Variants in SPAG16 observed in about 807,000 individuals in gnomAD.
SPAG16 encodes the protein sperm associated antigen 16.
In SPAG16, 86 loss-of-function variants were observed where a neutral mutation model predicts 80.4. The observed-to-expected ratio is 1.07, with a 90% CI of 0.90 to 1.28. SPAG16 has a LOEUF of 1.28. Among genes scored for constraint, SPAG16 ranks in the 50% most tolerant of loss-of-function variants. The pLI, the probability that SPAG16 is intolerant of heterozygous loss-of-function variation, is 0.00. For synonymous variants in SPAG16, 294 were observed against 265.9 expected (o/e 1.11, Z -1.03); for missense variants, 870 against 765.3 (o/e 1.14, Z -1.61).
intron 15 of SPAG16, among the ~76,000 whole-genome samples, chr2:214,283,461 C>G (rs1014927025): frequency 1.8e-4 from 28 of 152,088 alleles, no homozygotes; most frequent in Non-Finnish European, 3.1e-4. Context: ...CATTACATAT[C>G]TTAACTTCTT....
intron 10 of SPAG16, among the ~76,000 whole-genome samples, chr2:213,789,494 A>G (rs766082985): frequency 1.3e-5 from 2 of 151,996 alleles, no homozygotes; most frequent in African/African-American, 4.8e-5. Context: ...CTTTCCTGAA[A>G]AATACACACA....
chr2:213,869,165 A>G (rs10199633), intron 11 of SPAG16, among the ~76,000 whole-genome samples: 87,733 of 148,318 alleles, frequency 0.59, 27,832 homozygotes, highest in South Asian at 0.85. Context: ...AGACAGGAGA[A>G]TCACTTGAAC....
chr2:214,101,148 AT>A (rs71037341), intron 13 of SPAG16, among the ~76,000 whole-genome samples: 47,852 of 151,292 alleles, frequency 0.32, 7,992 homozygotes, highest in African/African-American at 0.35. Flanking sequence ...GTATTACTTA[AT>A]TTTTTTTTCA....
At chr2:214,256,606 G>T (rs1051475466) in intron 15 of SPAG16, among the ~76,000 whole-genome samples, 2 of 151,790 alleles carry the variant, frequency 1.3e-5, no homozygotes, top group African/African-American at 2.4e-5. Context: ...ATTGTTACCT[G>T]ATGATTTCAG....
intron 10 of SPAG16, among the ~76,000 whole-genome samples, chr2:213,559,828 A>T (rs1453850201): frequency 1.3e-5 from 2 of 152,128 alleles, no homozygotes; most frequent in African/African-American, 2.4e-5. Flanking sequence ...CAACAAAGGT[A>T]CACTTAATAA....
chr2:213,343,049 A>G (rs545911038), intron 6 of SPAG16, among the ~76,000 whole-genome samples: 5 of 152,162 alleles, frequency 3.3e-5, no homozygotes, highest in Middle Eastern at 3.4e-3. Flanking sequence ...TAGCTTAAGA[A>G]ATATCTGTAA....
intron 13 of SPAG16, among the ~76,000 whole-genome samples, chr2:214,032,923 T>A (rs2048490982): frequency 6.6e-6 from 1 of 152,196 alleles, no homozygotes; most frequent in Non-Finnish European, 1.5e-5. Flanking sequence ...ATGCTTTTTT[T>A]ATGTTATACA....
At chr2:213,455,819 T>A (rs1056890641) in intron 9 of SPAG16, among the ~76,000 whole-genome samples, 2 of 152,202 alleles carry the variant, frequency 1.3e-5, no homozygotes, top group Admixed American at 6.5e-5. Flanking sequence ...GGTTCCAGTC[T>A]GCCACTGGAG....
At chr2:213,335,479 C>T (rs1038098651) in intron 5 of SPAG16, among the ~76,000 whole-genome samples, 3 of 151,960 alleles carry the variant, frequency 2.0e-5, no homozygotes, top group Admixed American at 2.0e-4. Context: ...ACATCTTGAC[C>T]AGAAGCAATA....
chr2:214,330,146 G>A (rs1274722356), intron 15 of SPAG16, among the ~76,000 whole-genome samples: 8 of 151,352 alleles, frequency 5.3e-5, no homozygotes, highest in African/African-American at 1.7e-4. Flanking sequence ...GTTTGGTGGC[G>A]GGTGCCTGTA....
intron 10 of SPAG16, among the ~76,000 whole-genome samples, chr2:213,763,922 G>A (rs990249569): frequency 6.6e-6 from 1 of 152,186 alleles, no homozygotes; most frequent in Non-Finnish European, 1.5e-5. Context: ...AAGGACTAAT[G>A]AGCGAGGTTT....
At chr2:214,183,820 C>T (rs2057382606) in intron 15 of SPAG16, among the ~76,000 whole-genome samples, 1 of 151,992 alleles carries the variant, frequency 6.6e-6, no homozygotes, top group East Asian at 1.9e-4. Flanking sequence ...AAAGGCTTCA[C>T]CGAAGCCTCC....
At chr2:213,306,159 A>C (rs891670811) in intron 3 of SPAG16, among the ~76,000 whole-genome samples, 1 of 151,508 alleles carries the variant, frequency 6.6e-6, no homozygotes, top group Non-Finnish European at 1.5e-5. Flanking sequence ...TGATCCTTTA[A>C]AATTTCTTTG....
intron 10 of SPAG16, among the ~76,000 whole-genome samples, chr2:213,536,462 C>T (rs942055213): frequency 1.3e-5 from 2 of 152,144 alleles, no homozygotes; most frequent in African/African-American, 4.8e-5. Flanking sequence ...AAAAGTGTTC[C>T]TATTTCTCCA....
chr2:214,122,695 C>T (rs928061970), intron 14 of SPAG16, among the ~76,000 whole-genome samples: 4 of 151,704 alleles, frequency 2.6e-5, no homozygotes, highest in Admixed American at 2.6e-4. Flanking sequence ...TCCAGCAATC[C>T]ACCTTGATGT....
intron 13 of SPAG16, among the ~76,000 whole-genome samples, chr2:214,017,835 T>C (rs2047666418): frequency 6.6e-6 from 1 of 152,208 alleles, no homozygotes; most frequent in Admixed American, 6.5e-5. Context: ...AATTAAAATG[T>C]ATATCACTAC....
chr2:214,212,442 C>T (rs2058319189), intron 15 of SPAG16, among the ~76,000 whole-genome samples: 1 of 152,076 alleles, frequency 6.6e-6, no homozygotes, highest in East Asian at 1.9e-4. Flanking sequence ...TGCTTTCTTC[C>T]TTTTTGGTTC....
intron 10 of SPAG16, among the ~76,000 whole-genome samples, chr2:213,752,213 T>C (rs1275212768): frequency 1.3e-5 from 2 of 152,242 alleles, no homozygotes; most frequent in Non-Finnish European, 2.9e-5. Context: ...AAGGACTTTG[T>C]CTTCTTAACC....
At chr2:213,455,675 A>G (rs554980846) in intron 9 of SPAG16, among the ~76,000 whole-genome samples, 3 of 152,318 alleles carry the variant, frequency 2.0e-5, no homozygotes, top group Non-Finnish European at 4.4e-5. Flanking sequence ...CTTGCAACCT[A>G]GATCCCTCAC....
Sources: gnomAD v4.1 joint callset for allele counts (sites outside exome capture counted in the v4.1 genomes callset) on GRCh38, gnomAD v4.1.1 for gene constraint, MANE v1.5 for transcripts, NCBI Gene and HGNC (gene_info 2026-07-23, HGNC 2026-07-21) for gene names.